The following NEK11 variants were observed in gnomAD, a reference collection of about 807,000 sequenced individuals.
The protein encoded by NEK11 is serine/threonine-protein kinase Nek11.
In NEK11, 72 loss-of-function variants were observed where a neutral mutation model predicts 80.7. The ratio of observed to expected loss-of-function variants is 0.89; its 90% CI spans 0.74 to 1.08. The LOEUF (loss-of-function observed/expected upper bound fraction) is 1.08, where lower values mean the gene tolerates loss of function less well. NEK11 is among the 50% of genes least tolerant of loss of function. The pLI is 0.00. For synonymous variants in NEK11, 251 were observed against 260.7 expected (o/e 0.96, Z 0.36); for missense variants, 764 against 763.6 (o/e 1.00, Z -0.01).
chr3:131,070,913 T>C (rs2073165769), intron 3 of NEK11, among the ~76,000 whole-genome samples: 1 of 152,202 alleles, frequency 6.6e-6, no homozygotes, highest in Non-Finnish European at 1.5e-5. Flanking sequence ...TTGATTGAGG[T>C]ACTTTGATTA....
intron 14 of NEK11, among the ~76,000 whole-genome samples, chr3:131,206,456 TAAC>T (rs1250051809): frequency 6.6e-6 from 1 of 152,188 alleles, no homozygotes; most frequent in Non-Finnish European, 1.5e-5. Flanking sequence ...AGCCAAATAT[TAAC>T]AAGTCACAGA....
intron 4 of NEK11, among the ~76,000 whole-genome samples, chr3:131,109,128 A>T (rs1255330469): frequency 6.6e-6 from 1 of 152,126 alleles, no homozygotes; most frequent in Non-Finnish European, 1.5e-5. Flanking sequence ...GGTTTGTGTG[A>T]TAACTTTTCT....
intron 9 of NEK11, among the ~76,000 whole-genome samples, chr3:131,152,929 C>A (rs2149815133): frequency 6.6e-6 from 1 of 151,754 alleles, no homozygotes; most frequent in African/African-American, 2.4e-5. Flanking sequence ...ACTAAAAGTA[C>A]AAAAAAAATT....
chr3:131,250,153 A>G (rs2095673140), intron 16 of NEK11, among the ~76,000 whole-genome samples: 1 of 152,048 alleles, frequency 6.6e-6, no homozygotes, highest in African/African-American at 2.4e-5. Flanking sequence ...TTGGAAGATA[A>G]AAGTGAGGAA....
intron 16 of NEK11, among the ~76,000 whole-genome samples, chr3:131,257,603 T>G (rs1343203971): frequency 1.3e-5 from 2 of 152,156 alleles, no homozygotes; most frequent in Non-Finnish European, 2.9e-5. Flanking sequence ...AAGGAGTACA[T>G]GATACCAGGT....
intron 14 of NEK11, among the ~76,000 whole-genome samples, chr3:131,219,225 G>A (rs558145263): frequency 7.2e-5 from 11 of 152,262 alleles, no homozygotes; most frequent in Admixed American, 7.2e-4. Context: ...AAAAAAGGAT[G>A]AGTTCACATC....
At chr3:131,142,371 A>G (rs2087122414) in intron 7 of NEK11, among the ~76,000 whole-genome samples, 1 of 152,204 alleles carries the variant, frequency 6.6e-6, no homozygotes, top group Non-Finnish European at 1.5e-5. Flanking sequence ...AGACTAAAGG[A>G]GGGAGATAGG....
At chr3:131,052,842 T>C (rs1163121953) in intron 3 of NEK11, among the ~76,000 whole-genome samples, 2 of 152,146 alleles carry the variant, frequency 1.3e-5, no homozygotes, top group East Asian at 3.8e-4. Flanking sequence ...CTAAAAAGAT[T>C]TCCATGATTA....
At chr3:131,133,554 A>G (rs1009545561) in intron 6 of NEK11, among the ~76,000 whole-genome samples, 1 of 152,166 alleles carries the variant, frequency 6.6e-6, no homozygotes, top group Non-Finnish European at 1.5e-5. Flanking sequence ...AGCTTTTTAT[A>G]TCAAATTGTC....
chr3:131,249,361 C>A (rs367757436), intron 16 of NEK11, among the ~76,000 whole-genome samples: 1 of 152,112 alleles, frequency 6.6e-6, no homozygotes, highest in African/African-American at 2.4e-5. Flanking sequence ...TCAACTACCG[C>A]TGAAGGCATG....
chr3:131,106,736 T>A (rs755845114), intron 4 of NEK11, among the ~76,000 whole-genome samples: 42 of 152,190 alleles, frequency 2.8e-4, no homozygotes, highest in Non-Finnish European at 4.4e-4. Flanking sequence ...AATTAAATAG[T>A]TCTCTTTTAC....
intron 17 of NEK11, among the ~76,000 whole-genome samples, chr3:131,282,636 A>G (rs1036307671): frequency 6.6e-6 from 1 of 151,246 alleles, no homozygotes; most frequent in Non-Finnish European, 1.5e-5. Context: ...GTCAGACCTC[A>G]TAACTGATTC....
At chr3:131,119,460 G>A (rs2081979199) in intron 5 of NEK11, among the ~76,000 whole-genome samples, 1 of 152,178 alleles carries the variant, frequency 6.6e-6, no homozygotes, top group East Asian at 1.9e-4. Flanking sequence ...ATTTGGGGTG[G>A]AGAGTTCTGT....
chr3:131,165,327 C>G (rs1305543017), intron 11 of NEK11, 99 bp from the exon 12 acceptor site: 9 of 737,672 alleles, frequency 1.2e-5, no homozygotes, highest in Non-Finnish European at 2.1e-5. Context: ...TCTAATCCCC[C>G]AGTCAGTCTG....
intron 4 of NEK11, among the ~76,000 whole-genome samples, chr3:131,094,512 T>C (rs2077164565): frequency 6.6e-6 from 1 of 152,170 alleles, no homozygotes; most frequent in Non-Finnish European, 1.5e-5. Context: ...TCAGTTAGCT[T>C]TGCCTAATAC....
intron 3 of NEK11, among the ~76,000 whole-genome samples, chr3:131,046,201 T>C (rs1386863127): frequency 6.6e-6 from 1 of 152,234 alleles, no homozygotes; most frequent in Non-Finnish European, 1.5e-5. Context: ...TTATCGGTCC[T>C]GTGAGATTTA....
intron 10 of NEK11, among the ~76,000 whole-genome samples, chr3:131,160,108 C>T (rs1285875768): frequency 2.6e-5 from 4 of 152,086 alleles, no homozygotes; most frequent in African/African-American, 4.8e-5. Context: ...AGAAGATCAT[C>T]CCCCAGGACA....
At chr3:131,275,341 A>G (rs1408570647) in intron 17 of NEK11, among the ~76,000 whole-genome samples, 1 of 152,228 alleles carries the variant, frequency 6.6e-6, no homozygotes, top group Non-Finnish European at 1.5e-5. Context: ...CTAAGACTTC[A>G]TTACTTTTGC....
chr3:131,108,437 T>G (rs2079540608), intron 4 of NEK11, among the ~76,000 whole-genome samples: 1 of 152,182 alleles, frequency 6.6e-6, no homozygotes, highest in Admixed American at 6.6e-5. Flanking sequence ...CTGCAAAGAC[T>G]AAACACAGTT....
Sources: gnomAD v4.1 joint callset for allele counts (sites outside exome capture counted in the v4.1 genomes callset) on GRCh38, gnomAD v4.1.1 for gene constraint, MANE v1.5 for transcripts, NCBI Gene and HGNC (gene_info 2026-07-23, HGNC 2026-07-21) for gene names.